Variants in LHFPL3 observed in about 807,000 individuals in gnomAD.
LHFPL3 encodes LHFPL tetraspan subfamily member 3.
Under a neutral mutation model 19.3 loss-of-function variants are expected in LHFPL3, and 5 were observed. That is an observed-to-expected ratio of 0.26 (90% CI 0.14 to 0.54). The LOEUF is 0.54. LHFPL3 is among the 20% of genes least tolerant of loss of function. The pLI is 0.94. For missense variants in LHFPL3, 249 were observed against 307.4 expected (o/e 0.81, Z 1.42); for synonymous variants, 133 against 126.2 (o/e 1.05, Z -0.36).
chr7:104,724,463 G>A (rs1242794779), intron 1 of LHFPL3, among the ~76,000 whole-genome samples: 8 of 152,140 alleles, frequency 5.3e-5, no homozygotes, highest in Admixed American at 5.2e-4. Flanking sequence ...GTGCAATTGT[G>A]TGTTTTTTAA....
chr7:104,758,461 T>C (rs557578882), intron 2 of LHFPL3, among the ~76,000 whole-genome samples: 2 of 152,290 alleles, frequency 1.3e-5, no homozygotes, highest in Admixed American at 1.3e-4. Context: ...TTGTCATTTA[T>C]AGCAATTTTA....
At chr7:104,874,114 G>T (rs1221926970) in intron 2 of LHFPL3, among the ~76,000 whole-genome samples, 2 of 152,188 alleles carry the variant, frequency 1.3e-5, no homozygotes, top group Admixed American at 1.3e-4. Flanking sequence ...TAGGTAGCTG[G>T]CAGCTGCTCT....
chr7:104,517,028 G>A (rs553159651), intron 1 of LHFPL3, among the ~76,000 whole-genome samples: 99 of 152,138 alleles, frequency 6.5e-4, no homozygotes, highest in African/African-American at 1.9e-3. Flanking sequence ...TATCCTTAGC[G>A]GACTAATGCA....
At chr7:104,622,938 G>T (rs1011980993) in intron 1 of LHFPL3, 4 of 291,500 alleles carry the variant, frequency 1.4e-5, no homozygotes, top group East Asian at 2.0e-4. Context: ...AGTGAATGAG[G>T]GTTCCAGGTT....
chr7:104,348,814 A>G (rs1016483865), intron 1 of LHFPL3, among the ~76,000 whole-genome samples: 1 of 152,210 alleles, frequency 6.6e-6, no homozygotes, highest in African/African-American at 2.4e-5. Flanking sequence ...TAAACAGATG[A>G]GACTGGCACG....
At chr7:104,689,961 T>C (rs1456487601) in intron 1 of LHFPL3, among the ~76,000 whole-genome samples, 1 of 152,158 alleles carries the variant, frequency 6.6e-6, no homozygotes, top group African/African-American at 2.4e-5. Context: ...GTGAGGGCTA[T>C]TGTGATGGGA....
At chr7:104,382,268 T>C (rs914040876) in intron 1 of LHFPL3, among the ~76,000 whole-genome samples, 2 of 152,186 alleles carry the variant, frequency 1.3e-5, no homozygotes, top group Non-Finnish European at 2.9e-5. Flanking sequence ...TCTGGGGATG[T>C]GGTCCAGCAA....
At chr7:104,362,577 T>C (rs904439815) in intron 1 of LHFPL3, among the ~76,000 whole-genome samples, 1 of 152,206 alleles carries the variant, frequency 6.6e-6, no homozygotes, top group African/African-American at 2.4e-5. Context: ...GTTTCCTCAA[T>C]GCTATGTAAG....
intron 1 of LHFPL3, among the ~76,000 whole-genome samples, chr7:104,683,313 G>C (rs919527173): frequency 4.6e-5 from 7 of 152,032 alleles, no homozygotes; most frequent in Admixed American, 2.0e-4. Context: ...GTAACCTGTT[G>C]GTTTTTTTGT....
At chr7:104,782,238 T>A (rs1429999309) in intron 2 of LHFPL3, among the ~76,000 whole-genome samples, 5 of 152,206 alleles carry the variant, frequency 3.3e-5, no homozygotes, top group Admixed American at 3.3e-4. Flanking sequence ...CATGGTCTCT[T>A]CAGCAAAGTT....
intron 1 of LHFPL3, among the ~76,000 whole-genome samples, chr7:104,479,150 C>G (rs1793080966): frequency 6.6e-6 from 1 of 152,166 alleles, no homozygotes. Context: ...TCATAAGACC[C>G]TTCTCTGAGA....
In LHFPL3 at chr7:104,382,864, C is replaced by A. The variant is rs117038892; in HGVS notation, c.445+53640C>A. ...TGCTGTATGATTAGTCAGCAGGTTA[C>A]TTCACCTCTTTATGGCTCAGTTTTC... On this transcript the variant is annotated intron_variant, in intron 1 of 2. Transcript: ENST00000424859. 5.3e-3 allele frequency among the ~76,000 whole-genome samples: 801 copies of A among 152,204 alleles called. 5 individuals are homozygous for A. Among genetic ancestry groups the A allele is most frequent in the Middle Eastern group, 0.01 (3 of 294 alleles).
At chr7:104,660,000 A>T (rs1256729365) in intron 1 of LHFPL3, among the ~76,000 whole-genome samples, 1 of 103,894 alleles carries the variant, frequency 9.6e-6, no homozygotes, top group Non-Finnish European at 2.0e-5. Flanking sequence ...TGCCACAGCA[A>T]CTCGTTTTTT....
intron 2 of LHFPL3, among the ~76,000 whole-genome samples, chr7:104,853,667 G>A (rs964636062): frequency 6.6e-6 from 1 of 152,186 alleles, no homozygotes; most frequent in African/African-American, 2.4e-5. Flanking sequence ...ACAACAAGAT[G>A]AGAGGGACCA....
chr7:104,330,557 C>G (rs571110846), intron 1 of LHFPL3, among the ~76,000 whole-genome samples: 1 of 152,250 alleles, frequency 6.6e-6, no homozygotes, highest in African/African-American at 2.4e-5. Flanking sequence ...TGGGAGACTA[C>G]ACTTGTGTGA....
intron 2 of LHFPL3, among the ~76,000 whole-genome samples, chr7:104,890,581 C>A (rs540095860): frequency 5.9e-5 from 9 of 152,190 alleles, no homozygotes; most frequent in Non-Finnish European, 8.8e-5. Context: ...CCCCTCAGTC[C>A]GTTCAGTGGA....
At position 104,861,753 on chromosome 7, in the gene LHFPL3, C is replaced by T. The variant is rs992037126; in HGVS notation, c.683-44434C>T. Among the ~76,000 whole-genome samples the T allele has an allele frequency of 3.9e-5, 6 of 152,156 alleles. No individual in the cohort carries two copies. In the South Asian group the frequency reaches 8.3e-4, roughly 21 times the overall value. The stretch of plus-strand genomic sequence containing the variant: ...TTCCTGGTGGTCTAACATGGTCAAA[C>T]GCACACTTGGAGAACCTGGGGAAGA... On this transcript the variant is annotated intron_variant, in intron 2 of 2. Coordinates refer to ENST00000424859, the MANE Select transcript of LHFPL3 (RefSeq NM_199000.3).
At position 104,906,395 on chromosome 7, in the gene LHFPL3, G is replaced by C. The variant is rs1792616655; in HGVS notation, c.*180G>C. On this transcript the variant is annotated 3_prime_UTR_variant, in exon 3 of 3. Transcript: ENST00000424859. ...CGCACTTTCTAAATCTAGATCAGCA[G>C]AGATGGGAGTGATTTTCTGGAAAGA... is the stretch of plus-strand genomic sequence containing the variant. The C allele has an allele frequency of 1.5e-6, 1 of 666,256 alleles. No individual in the cohort carries two copies. Among genetic ancestry groups the C allele is most frequent in the Non-Finnish European group, 2.4e-6 (1 of 408,936 alleles). 41.3% of individuals were successfully genotyped at this position (666,256 alleles called of 1,614,324 possible).
chr7:104,643,210 A>G (rs1791868464), intron 1 of LHFPL3, among the ~76,000 whole-genome samples: 1 of 152,094 alleles, frequency 6.6e-6, no homozygotes, highest in Non-Finnish European at 1.5e-5. Context: ...TTCTGGTTTC[A>G]TTTCCTTCTG....
Sources: gnomAD v4.1 joint callset for allele counts (sites outside exome capture counted in the v4.1 genomes callset) on GRCh38, gnomAD v4.1.1 for gene constraint, MANE v1.5 for transcripts, NCBI Gene and HGNC (gene_info 2026-07-23, HGNC 2026-07-21) for gene names.